CYP19A1: variants seen among roughly 807,000 people sequenced by gnomAD.
CYP19A1 encodes aromatase.
Under a neutral mutation model 44.4 loss-of-function variants are expected in CYP19A1, and 32 were observed. That is an observed-to-expected ratio of 0.72 (90% CI 0.54 to 0.97). The LOEUF is 0.97. Among genes scored for constraint, CYP19A1 ranks in the 50% least tolerant of loss-of-function variants. CYP19A1 has a pLI of 0.00. For missense variants in CYP19A1, 598 were observed against 637.8 expected (o/e 0.94, Z 0.67); for synonymous variants, 212 against 215.6 (o/e 0.98, Z 0.14).
chr15:51,229,928 C>T (rs544917609), intron 3 of CYP19A1, among the ~76,000 whole-genome samples: 4 of 152,284 alleles, frequency 2.6e-5, no homozygotes, highest in African/African-American at 7.2e-5. Context: ...GAGTAAGAAA[C>T]TCCAAACATA....
At chr15:51,267,855 T>C (rs2034985101) in intron 1 of CYP19A1, among the ~76,000 whole-genome samples, 1 of 152,188 alleles carries the variant, frequency 6.6e-6, no homozygotes, top group Non-Finnish European at 1.5e-5. Context: ...GTCTTCCCTG[T>C]GCCCACCCCA....
intron 1 of CYP19A1, among the ~76,000 whole-genome samples, chr15:51,303,108 A>G (rs1307344568): frequency 1.3e-5 from 2 of 152,226 alleles, no homozygotes; most frequent in Non-Finnish European, 2.9e-5. Context: ...ATCCTTTGGA[A>G]GGCTTCAGCT....
At chr15:51,236,386 A>G (rs1310024405) in intron 3 of CYP19A1, among the ~76,000 whole-genome samples, 1 of 152,158 alleles carries the variant, frequency 6.6e-6, no homozygotes, top group Non-Finnish European at 1.5e-5. Flanking sequence ...TTTATTTTTT[A>G]AAAGACAGGG....
At chr15:51,226,859 G>T (rs2032627996) in intron 4 of CYP19A1, among the ~76,000 whole-genome samples, 1 of 152,002 alleles carries the variant, frequency 6.6e-6, no homozygotes, top group Non-Finnish European at 1.5e-5. Context: ...ATTTTGCCTG[G>T]GTGAAAATCA....
chr15:51,292,802 T>C (rs2035878045), intron 1 of CYP19A1, among the ~76,000 whole-genome samples: 1 of 150,614 alleles, frequency 6.6e-6, no homozygotes, highest in Non-Finnish European at 1.5e-5. Flanking sequence ...TCCTTCTTCA[T>C]GGGCAGAAAG....
At chr15:51,323,368 C>A (rs1250741674) in intron 1 of CYP19A1, among the ~76,000 whole-genome samples, 1 of 152,156 alleles carries the variant, frequency 6.6e-6, no homozygotes, top group Non-Finnish European at 1.5e-5. Flanking sequence ...AGGAAAAAAT[C>A]AACTAAGCTT....
intron 1 of CYP19A1, among the ~76,000 whole-genome samples, chr15:51,319,877 G>A (rs2036496515): frequency 6.6e-6 from 1 of 152,182 alleles, no homozygotes; most frequent in South Asian, 2.1e-4. Context: ...CTGAACCTCA[G>A]GTTTCTTGTC....
intron 4 of CYP19A1, among the ~76,000 whole-genome samples, chr15:51,225,529 T>G (rs2032499592): frequency 6.6e-6 from 1 of 152,220 alleles, no homozygotes; most frequent in African/African-American, 2.4e-5. Flanking sequence ...TAAGGTCAGA[T>G]AGGTAGCAAG....
At chr15:51,273,519 T>C (rs1048485991) in intron 1 of CYP19A1, among the ~76,000 whole-genome samples, 6 of 152,158 alleles carry the variant, frequency 3.9e-5, no homozygotes, top group African/African-American at 1.4e-4. Context: ...TCTCACCCTC[T>C]TCTTAGGAAT....
intron 1 of CYP19A1, among the ~76,000 whole-genome samples, chr15:51,301,611 G>T (rs28757109): frequency 4.6e-5 from 7 of 152,106 alleles, no homozygotes; most frequent in African/African-American, 1.7e-4. Flanking sequence ...CATCCAAGAC[G>T]TGCTAGTGCT....
At chr15:51,284,541 A>G (rs1837762455) in intron 1 of CYP19A1, among the ~76,000 whole-genome samples, 1 of 152,258 alleles carries the variant, frequency 6.6e-6, no homozygotes, top group South Asian at 2.1e-4. Flanking sequence ...TGAAATATCT[A>G]TTCCTATGGA....
chr15:51,210,349 T>G lies in CYP19A1; in HGVS notation c.*459A>C, dbSNP rs1275739256. On this transcript the variant is annotated 3_prime_UTR_variant, in exon 10 of 10. Transcript: ENST00000396402. Reference sequence around the variant, plus strand: ...TCCACAGAAAACAAAATTAAAGTACTTTAATTCACACTAGCAGGTGGGTTT... The same window carrying G: ...TCCACAGAAAACAAAATTAAAGTACGTTAATTCACACTAGCAGGTGGGTTT... 2.1e-6 allele frequency: 1 copy of G among 484,576 alleles called. No individual in the cohort carries two copies. The highest frequency in any genetic ancestry group is 4.1e-6 in the Non-Finnish European group (1 of 243,730). 30.0% of individuals were successfully genotyped at this position (484,576 alleles called of 1,614,324 possible).
At position 51,232,397 on chromosome 15, in the gene CYP19A1, G is replaced by T. The variant is rs540710318; in HGVS notation, c.296+4462C>A. The stretch of plus-strand genomic sequence containing the variant: ...GGTTTTCAGACATTACACTTTCCTG[G>T]TTTTCTCTTCTCGGTCTAGCTGCTC... On this transcript the variant is annotated intron_variant, in intron 3 of 9. Coordinates refer to ENST00000396402, the MANE Select transcript of CYP19A1 (RefSeq NM_000103.4). Among the ~76,000 whole-genome samples, 3 of 152,118 alleles carry T rather than the reference G, an allele frequency of 2.0e-5. No homozygotes were observed. The South Asian group carries it at 6.2e-4, about 32-fold the overall frequency.
chr15:51,322,884 GC>G (rs769853141), intron 1 of CYP19A1, among the ~76,000 whole-genome samples: 3 of 152,336 alleles, frequency 2.0e-5, no homozygotes, highest in East Asian at 3.9e-4. Flanking sequence ...CAATGCAGTT[GC>G]TAGAATTTCA....
chr15:51,289,565 C>T (rs957469647), intron 1 of CYP19A1, among the ~76,000 whole-genome samples: 13 of 152,186 alleles, frequency 8.5e-5, no homozygotes, highest in Non-Finnish European at 1.5e-4. Context: ...GGGCCTTCTG[C>T]AATGCTACAA....
At chr15:51,260,019 CA>C in intron 1 of CYP19A1, among the ~76,000 whole-genome samples, 1 of 152,306 alleles carries the variant, frequency 6.6e-6, no homozygotes, top group South Asian at 2.1e-4. Flanking sequence ...ATAAAAACAG[CA>C]AAGCTTTATG....
At chr15:51,216,168 A>G (rs922086092) in intron 6 of CYP19A1, among the ~76,000 whole-genome samples, 1 of 152,140 alleles carries the variant, frequency 6.6e-6, no homozygotes, top group Non-Finnish European at 1.5e-5. Context: ...CAAAAACAAA[A>G]AAACCTGTGA....
chr15:51,333,547 T>G (rs1018763614), intron 1 of CYP19A1, among the ~76,000 whole-genome samples: 1 of 152,264 alleles, frequency 6.6e-6, no homozygotes, highest in African/African-American at 2.4e-5. Context: ...GTCCACAGTT[T>G]GACCTAAAAA....
intron 1 of CYP19A1, among the ~76,000 whole-genome samples, chr15:51,319,388 A>C (rs1354749231): frequency 6.6e-6 from 1 of 152,252 alleles, no homozygotes; most frequent in Non-Finnish European, 1.5e-5. Context: ...ATTTAAATTT[A>C]TGACAAAGTT....
Sources: gnomAD v4.1 joint callset for allele counts (sites outside exome capture counted in the v4.1 genomes callset) on GRCh38, gnomAD v4.1.1 for gene constraint, MANE v1.5 for transcripts, NCBI Gene and HGNC (gene_info 2026-07-23, HGNC 2026-07-21) for gene names.